Variants in GLRX3 observed in about 807,000 individuals in gnomAD.
GLRX3 encodes the protein glutaredoxin-3.
Under a neutral mutation model 49.5 loss-of-function variants are expected in GLRX3, and 22 were observed. The ratio of observed to expected loss-of-function variants is 0.44; its 90% CI spans 0.32 to 0.63. The LOEUF is 0.63. Ranked by LOEUF, GLRX3 falls within the 30% of genes least tolerant of loss-of-function variation. The pLI, the probability that GLRX3 is intolerant of heterozygous loss-of-function variation, is 0.05. For missense variants in GLRX3, 385 were observed against 396.3 expected, an observed-to-expected ratio of 0.97 and a Z score of 0.24; for synonymous variants, 133 against 140.0, an observed-to-expected ratio of 0.95 and a Z score of 0.35.
At chr10:130,176,804 A>G (rs928388405) in intron 10 of GLRX3, among the ~76,000 whole-genome samples, 2 of 134,752 alleles carry the variant, frequency 1.5e-5, no homozygotes, top group Admixed American at 8.4e-5. Flanking sequence ...ATATATATAT[A>G]TATAGTCTTA....
intron 1 of GLRX3, among the ~76,000 whole-genome samples, chr10:130,137,936 A>G (rs1022996496): frequency 6.6e-6 from 1 of 151,948 alleles, no homozygotes; most frequent in Non-Finnish European, 1.5e-5. Flanking sequence ...AGGTCTCGCC[A>G]TGTTGCCCAG....
chr10:130,168,726 C>G (rs918231146), intron 6 of GLRX3, among the ~76,000 whole-genome samples: 1 of 152,172 alleles, frequency 6.6e-6, no homozygotes, highest in African/African-American at 2.4e-5. Context: ...GGATTACAGG[C>G]GTGAGCCACC....
intron 8 of GLRX3, among the ~76,000 whole-genome samples, chr10:130,172,546 C>T (rs191599709): frequency 2.6e-5 from 4 of 152,350 alleles, no homozygotes; most frequent in South Asian, 4.1e-4. Flanking sequence ...TGTATTCTAA[C>T]TGTAGCTTCA....
At chr10:130,167,324 T>C (rs922668148) in intron 6 of GLRX3, among the ~76,000 whole-genome samples, 1 of 152,204 alleles carries the variant, frequency 6.6e-6, no homozygotes, top group Non-Finnish European at 1.5e-5. Context: ...CACTCGTGTT[T>C]TACTGGGTGC....
intron 4 of GLRX3, among the ~76,000 whole-genome samples, chr10:130,161,794 CT>C (rs1311809737): frequency 6.6e-6 from 1 of 152,032 alleles, no homozygotes; most frequent in Non-Finnish European, 1.5e-5. Flanking sequence ...ACAGGAGGGA[CT>C]TTATTAAGAT....
chr10:130,175,952 G>A (rs547058216), intron 10 of GLRX3, among the ~76,000 whole-genome samples: 3 of 152,276 alleles, frequency 2.0e-5, no homozygotes, highest in South Asian at 2.1e-4. Flanking sequence ...GTCTGCTCAG[G>A]GGCATGAACA....
intron 4 of GLRX3, among the ~76,000 whole-genome samples, chr10:130,165,752 G>A (rs186897980): frequency 1.4e-4 from 22 of 152,354 alleles, no homozygotes; most frequent in African/African-American, 5.3e-4. Context: ...TAAAATGGCA[G>A]TAGAAATGCA....
At chr10:130,156,204 C>G (rs1036908450) in intron 2 of GLRX3, among the ~76,000 whole-genome samples, 16 of 152,206 alleles carry the variant, frequency 1.1e-4, no homozygotes, top group Admixed American at 2.0e-4. Context: ...CAGTGTCTGG[C>G]AAGGGCTTGC....
intron 6 of GLRX3, among the ~76,000 whole-genome samples, chr10:130,168,163 T>G (rs1216580461): frequency 6.6e-6 from 1 of 152,174 alleles, no homozygotes; most frequent in Non-Finnish European, 1.5e-5. Context: ...GGAAGGAAAA[T>G]TCAGCATATT....
intron 1 of GLRX3, among the ~76,000 whole-genome samples, chr10:130,139,619 A>G (rs1228756061): frequency 7.5e-5 from 11 of 147,418 alleles, no homozygotes; most frequent in South Asian, 2.2e-4. Flanking sequence ...TCCAGCCTGG[A>G]CGACAGACGA....
At chr10:130,153,476 G>A (rs924835178) in intron 2 of GLRX3, among the ~76,000 whole-genome samples, 4 of 152,136 alleles carry the variant, frequency 2.6e-5, no homozygotes, top group Non-Finnish European at 4.4e-5. Context: ...CATTTGGATG[G>A]GGTTTCTGTG....
intron 2 of GLRX3, among the ~76,000 whole-genome samples, chr10:130,156,462 A>T (rs1219470281): frequency 6.6e-6 from 1 of 152,182 alleles, no homozygotes; most frequent in Non-Finnish European, 1.5e-5. Context: ...ATCTAGGCCA[A>T]GTTATGGAAC....
chr10:130,156,693 A>C (rs1401891374), intron 2 of GLRX3, among the ~76,000 whole-genome samples: 1 of 152,214 alleles, frequency 6.6e-6, no homozygotes, highest in Non-Finnish European at 1.5e-5. Flanking sequence ...CCTGCTCAAT[A>C]AAAGTAGAAT....
chr10:130,136,577 G>C, intron 1 of GLRX3, 65 bp downstream of exon 1: 1 of 1,241,278 alleles, frequency 8.1e-7, no homozygotes, highest in East Asian at 3.2e-5. Context: ...GACCGGGCCG[G>C]TGTGGGGCGG....
chr10:130,152,501 G>A (rs928918099), intron 2 of GLRX3, among the ~76,000 whole-genome samples: 4 of 152,194 alleles, frequency 2.6e-5, no homozygotes. Flanking sequence ...GGCAGGCCTG[G>A]TGGTGACAGA....
In GLRX3 at chr10:130,173,140, G is replaced by C. The variant is rs1441133085; in HGVS notation, c.824+1504G>C. ...ACCCTCTGCTGCGGGTCCACAGTGA[G>C]ACACACACAGTCCATCCCTCTCTAG... On this transcript the variant is annotated intron_variant, in intron 8 of 10. Coordinates refer to ENST00000331244, the MANE Select transcript of GLRX3 (RefSeq NM_006541.5). Among the ~76,000 whole-genome samples the C allele has an allele frequency of 3.9e-5, 6 of 152,232 alleles. No individual in the cohort carries two copies. In the East Asian group the frequency reaches 1.2e-3, roughly 29 times the overall value.
intron 2 of GLRX3, among the ~76,000 whole-genome samples, chr10:130,149,960 C>T (rs1334939114): frequency 6.8e-6 from 1 of 147,648 alleles, no homozygotes; most frequent in Non-Finnish European, 1.5e-5. Flanking sequence ...AAAATAGGGC[C>T]GGGCATGGTG....
chr10:130,161,052 G>A, intron 4 of GLRX3, 55 bp downstream of exon 4: 1 of 1,270,010 alleles, frequency 7.9e-7, no homozygotes, highest in East Asian at 2.3e-5. Flanking sequence ...CCCAGAATGG[G>A]GTATGGTTGA....
intron 2 of GLRX3, among the ~76,000 whole-genome samples, chr10:130,146,354 G>A (rs1277461046): frequency 6.6e-6 from 1 of 152,236 alleles, no homozygotes; most frequent in Non-Finnish European, 1.5e-5. Flanking sequence ...GATGAAGGCA[G>A]ACCTCCGGGA....
Sources: allele counts gnomAD v4.1 joint callset (sites outside exome capture counted in the v4.1 genomes callset), GRCh38; gene constraint gnomAD v4.1.1; transcripts MANE v1.5; gene names NCBI Gene and HGNC (gene_info 2026-07-23, HGNC 2026-07-21).